The following FRS2 variants were observed in gnomAD, a reference collection of about 807,000 sequenced individuals.
FRS2 encodes FGFR signalling adaptor.
Under a neutral mutation model 43.9 loss-of-function variants are expected in FRS2, and 8 were observed. The ratio of observed to expected loss-of-function variants is 0.18; its 90% confidence interval spans 0.11 to 0.33. The LOEUF (loss-of-function observed/expected upper bound fraction) is 0.33. Among genes scored for constraint, FRS2 ranks in the 10% least tolerant of loss-of-function variants. FRS2 has a pLI of 1.00. For missense variants in FRS2, 534 were observed against 627.6 expected (o/e 0.85, Z 1.59); for synonymous variants, 219 against 220.3 (o/e 0.99, Z 0.05).
At chr12:69,489,515 C>T (rs984948083) in intron 1 of FRS2, among the ~76,000 whole-genome samples, 1 of 151,830 alleles carries the variant, frequency 6.6e-6, no homozygotes, top group Admixed American at 6.6e-5. Flanking sequence ...ACTAAAAATA[C>T]AAAAATTGGC....
intron 1 of FRS2, among the ~76,000 whole-genome samples, chr12:69,488,755 T>C (rs116480756): frequency 0.01 from 1,537 of 152,344 alleles, 31 homozygotes; most frequent in African/African-American, 0.034. Context: ...AAACAACCTT[T>C]TTCCTCATAA....
chr12:69,576,674 C>A lies in FRS2; in HGVS notation c.*1719C>A, dbSNP rs764908125. ...GATTAGGAGAACAATAGAGTGGGAT[C>A]ATTATAAAGAAAATAAATTATTAAA... is the stretch of plus-strand genomic sequence containing the variant. On this transcript the variant is annotated 3_prime_UTR_variant, in exon 9 of 9. Coordinates refer to ENST00000549921, the MANE Select transcript of FRS2 (RefSeq NM_001278356.2). The A allele has an allele frequency of 1.3e-5, 2 of 152,164 alleles. No individual in the cohort carries two copies. Among genetic ancestry groups the A allele is most frequent in the Admixed American group, 1.3e-4 (2 of 15,276 alleles). The allele number at this position is 152,164 out of a possible 1,614,324, so 9.4% of individuals were successfully genotyped here.
chr12:69,541,773 C>T (rs537421756), intron 3 of FRS2, among the ~76,000 whole-genome samples: 3 of 145,698 alleles, frequency 2.1e-5, no homozygotes, highest in Admixed American at 1.4e-4. Context: ...TGCAGTGAGC[C>T]GAGATTGCAC....
Position 69,578,317 on chromosome 12 carries a change from C to T in FRS2, c.*3362C>T, listed in dbSNP as rs1468235580. The T allele has an allele frequency of 6.6e-6, 1 of 152,540 alleles. No homozygotes were observed. Among genetic ancestry groups the T allele is most frequent in the Admixed American group, 6.5e-5 (1 of 15,272 alleles). 9.4% of individuals were successfully genotyped at this position (152,540 alleles called of 1,614,324 possible). On this transcript the variant is annotated 3_prime_UTR_variant, in exon 9 of 9. Coordinates refer to ENST00000549921, the MANE Select transcript of FRS2 (RefSeq NM_001278356.2). ...TTTCTGATGTGTGAGGTATATGGTA[C>T]TAATTACCTTTTCCTTGATGTTTGC...
At chr12:69,483,366 C>T (rs1343448928) in intron 1 of FRS2, among the ~76,000 whole-genome samples, 1 of 152,110 alleles carries the variant, frequency 6.6e-6, no homozygotes, top group Non-Finnish European at 1.5e-5. Context: ...GCCCCGTGAC[C>T]CCCAACCACT....
At chr12:69,533,592 G>A (rs967099179) in intron 3 of FRS2, among the ~76,000 whole-genome samples, 4 of 152,044 alleles carry the variant, frequency 2.6e-5, no homozygotes, top group African/African-American at 4.8e-5. Context: ...CAGGTGATCC[G>A]CCTGCCTTGG....
At chr12:69,540,363 A>C (rs1877787502) in intron 3 of FRS2, among the ~76,000 whole-genome samples, 1 of 152,004 alleles carries the variant, frequency 6.6e-6, no homozygotes, top group African/African-American at 2.4e-5. Flanking sequence ...AAGGGCTTTA[A>C]CAAAAAACCC....
chr12:69,517,063 G>A (rs898414781), intron 1 of FRS2, among the ~76,000 whole-genome samples: 5 of 152,144 alleles, frequency 3.3e-5, no homozygotes, highest in African/African-American at 4.8e-5. Flanking sequence ...TGAAAACACA[G>A]GCACACAACA....
chr12:69,562,165 T>G lies in FRS2; in HGVS notation c.-121-15T>G, dbSNP rs938255479. On this transcript the variant is annotated splice_polypyrimidine_tract_variant and intron_variant, in intron 3 of 8. Coordinates refer to ENST00000549921, the MANE Select transcript of FRS2 (RefSeq NM_001278356.2). ...TAGAAATGAGAAATTCTCAATGTTT[T>G]TCTTCTGTTTTTAGGTTAAATCAGC... 2.5e-6 allele frequency: 1 copy of G among 397,880 alleles called. No homozygotes were observed. Among genetic ancestry groups the G allele is most frequent in the Non-Finnish European group, 4.4e-6 (1 of 225,698 alleles). The allele number at this position is 397,880 out of a possible 1,614,324, so 24.6% of individuals were successfully genotyped here. A position where few individuals can be genotyped will look rare whatever the true frequency, so the allele number is the denominator to read the frequency against.
chr12:69,550,226 TC>T (rs1331090844), intron 3 of FRS2, among the ~76,000 whole-genome samples: 1 of 152,216 alleles, frequency 6.6e-6, no homozygotes, highest in Admixed American at 6.6e-5. Context: ...CTGCTTTCCT[TC>T]CCAGTCTAAT....
At chr12:69,525,478 A>T (rs1565747033) in intron 1 of FRS2, among the ~76,000 whole-genome samples, 2 of 152,170 alleles carry the variant, frequency 1.3e-5, no homozygotes, top group Admixed American at 1.3e-4. Flanking sequence ...AACCCCCAAC[A>T]TTGATTTCAA....
chr12:69,560,703 T>A (rs1457966610), intron 3 of FRS2, among the ~76,000 whole-genome samples: 2 of 152,150 alleles, frequency 1.3e-5, no homozygotes, highest in Non-Finnish European at 2.9e-5. Flanking sequence ...GGTAAATTAG[T>A]TTGCTATAGA....
At chr12:69,505,946 C>T (rs1051952673) in intron 1 of FRS2, among the ~76,000 whole-genome samples, 1 of 152,130 alleles carries the variant, frequency 6.6e-6, no homozygotes, top group Non-Finnish European at 1.5e-5. Context: ...CCCCCGACCA[C>T]CATTTCTTGT....
intron 1 of FRS2, among the ~76,000 whole-genome samples, chr12:69,473,929 G>A (rs921311579): frequency 2.6e-5 from 4 of 152,068 alleles, no homozygotes; most frequent in Non-Finnish European, 2.9e-5. Context: ...TGCAACCTCC[G>A]CCTCCTGGGT....
chr12:69,488,265 A>G (rs117778590), intron 1 of FRS2, among the ~76,000 whole-genome samples: 2,295 of 152,280 alleles, frequency 0.015, 40 homozygotes, highest in Non-Finnish European at 0.02. Flanking sequence ...TGATGCGGCA[A>G]GTGATTGTTG....
At chr12:69,570,856 T>C (rs1406220246) in intron 6 of FRS2, among the ~76,000 whole-genome samples, 1 of 152,236 alleles carries the variant, frequency 6.6e-6, no homozygotes. Context: ...ATTTCTTCTC[T>C]ATAAAAGGGA....
intron 1 of FRS2, among the ~76,000 whole-genome samples, chr12:69,481,374 A>T (rs1182371948): frequency 6.6e-6 from 1 of 151,482 alleles, no homozygotes; most frequent in East Asian, 1.9e-4. Context: ...TTGAACTCCT[A>T]GGCTCAAGAG....
chr12:69,506,503 A>C (rs1297142468), intron 1 of FRS2, among the ~76,000 whole-genome samples: 1 of 151,924 alleles, frequency 6.6e-6, no homozygotes, highest in Non-Finnish European at 1.5e-5. Flanking sequence ...TTCTCATCTG[A>C]CTGATAACGT....
rs558788146 is a variant in FRS2, at chr12:69,547,145, T to C, written c.-121-15035T>C. On this transcript the variant is annotated intron_variant, in intron 3 of 8. Transcript: ENST00000549921. ...GACAAATGCTATGTGATTCTACTTA[T>C]GTGAAGGAGGTAGTATAGTCAAAAT... Among the ~76,000 whole-genome samples, 13 of 152,336 alleles carry C rather than the reference T, an allele frequency of 8.5e-5. No individual in the cohort carries two copies. The East Asian group carries it at 1.2e-3, about 14-fold the overall frequency.
Sources: allele counts gnomAD v4.1 joint callset (sites outside exome capture counted in the v4.1 genomes callset), GRCh38; gene constraint gnomAD v4.1.1; transcripts MANE v1.5; gene names NCBI Gene and HGNC (gene_info 2026-07-23, HGNC 2026-07-21).